Variants in ANKRD12 observed in about 807,000 individuals in gnomAD.
ANKRD12 encodes the protein ankyrin repeat domain-containing protein 12.
ANKRD12 carries 85 observed loss-of-function variants against 183.4 expected under a neutral mutation model. The ratio of observed to expected loss-of-function variants is 0.46; its 90% confidence interval spans 0.39 to 0.56. The LOEUF (loss-of-function observed/expected upper bound fraction) is 0.56, where lower values mean the gene tolerates loss of function less well. Ranked by LOEUF, ANKRD12 falls within the 20% of genes least tolerant of loss-of-function variation. The probability of loss-of-function intolerance (pLI) is 0.00; values close to 1 mark genes in which losing one functional copy is unlikely to be tolerated. For synonymous variants in ANKRD12, 914 were observed against 800.2 expected, an observed-to-expected ratio of 1.14 and a Z score of -2.40; for missense variants, 2,405 against 2,357.1, an observed-to-expected ratio of 1.02 and a Z score of -0.42.
intron 1 of ANKRD12, among the ~76,000 whole-genome samples, chr18:9,148,791 T>C (rs1192754614): frequency 6.6e-6 from 1 of 152,208 alleles, no homozygotes; most frequent in Non-Finnish European, 1.5e-5. Flanking sequence ...CAAGGGCACC[T>C]TTCTGAACAC....
At chr18:9,147,962 T>C (rs1377373326) in intron 1 of ANKRD12, among the ~76,000 whole-genome samples, 2 of 152,228 alleles carry the variant, frequency 1.3e-5, no homozygotes, top group South Asian at 2.1e-4. Context: ...TTATGAATTT[T>C]TCTAGTTTTC....
At position 9,283,908 on chromosome 18, in the gene ANKRD12, T is replaced by G. The variant is rs2040172802; in HGVS notation, c.*2782T>G. The G allele has an allele frequency of 6.6e-6, 1 of 152,274 alleles. No homozygotes were observed. Among genetic ancestry groups the G allele is most frequent in the Admixed American group, 6.5e-5 (1 of 15,274 alleles). 9.4% of individuals were successfully genotyped at this position (152,274 alleles called of 1,614,324 possible). A position where few individuals can be genotyped will look rare whatever the true frequency, so the allele number is the denominator to read the frequency against. ...CAAATCTATTTAATAATGAGAAGTC[T>G]CACAAGTGAATTTTTAAGTACAGGC... On this transcript the variant is annotated 3_prime_UTR_variant, in exon 13 of 13. Coordinates refer to ENST00000262126, the MANE Select transcript of ANKRD12 (RefSeq NM_015208.5).
chr18:9,285,922 G>C lies in ANKRD12; in HGVS notation c.*4796G>C, dbSNP rs1290388185. 3 of 152,184 alleles carry C rather than the reference G, an allele frequency of 2.0e-5. No homozygotes were observed. In the Middle Eastern group the frequency reaches 0.01, roughly 518 times the overall value. The allele number at this position is 152,184 out of a possible 1,614,324, so 9.4% of individuals were successfully genotyped here. ...TACAAATTTGTTTATTCGTTCTCTT[G>C]TTGGTATTTGGATTGTTTCCAGTTT... On this transcript the variant is annotated 3_prime_UTR_variant, in exon 13 of 13. Transcript: ENST00000262126.
Position 9,208,747 on chromosome 18 carries a change from C to CT in ANKRD12, c.396dup (p.Glu133Ter), listed in dbSNP as rs761842575. 1.2e-6 allele frequency: 2 copies of CT among 1,610,652 alleles called. No homozygotes were observed. Among genetic ancestry groups the CT allele is most frequent in the Non-Finnish European group, 1.7e-6 (2 of 1,178,250 alleles). On this transcript the variant is annotated frameshift_variant, in exon 5 of 13. Transcript: ENST00000262126. LOFTEE classifies it high-confidence loss of function. ...AGCATTCTTTTTGGTTATCCACTCT[C>CT]TGAGCGAAAACAGATGGCACTTCTT...
chr18:9,241,461 T>A (rs1276864193), intron 8 of ANKRD12, among the ~76,000 whole-genome samples: 1 of 152,208 alleles, frequency 6.6e-6, no homozygotes, highest in Non-Finnish European at 1.5e-5. Context: ...AAGAACCTTG[T>A]TTTATTTAAG....
chr18:9,170,703 C>G (rs1389275555), intron 1 of ANKRD12, among the ~76,000 whole-genome samples: 1 of 152,088 alleles, frequency 6.6e-6, no homozygotes, highest in Non-Finnish European at 1.5e-5. Context: ...CTTCTCTCAA[C>G]TTTTCAAAGT....
At chr18:9,204,676 G>T (rs561072075) in intron 4 of ANKRD12, 132 bp downstream of exon 4, 19 of 655,162 alleles carry the variant, frequency 2.9e-5, no homozygotes, top group Admixed American at 1.5e-4. Flanking sequence ...AACTACGTGG[G>T]TGACACCACA....
At chr18:9,238,542 C>T (rs961820992) in intron 8 of ANKRD12, among the ~76,000 whole-genome samples, 3 of 152,112 alleles carry the variant, frequency 2.0e-5, no homozygotes, top group Admixed American at 6.6e-5. Flanking sequence ...GTCATACACT[C>T]GAGAGTCATC....
At chr18:9,201,734 A>G (rs1402419233) in intron 3 of ANKRD12, among the ~76,000 whole-genome samples, 1 of 152,154 alleles carries the variant, frequency 6.6e-6, no homozygotes, top group Non-Finnish European at 1.5e-5. Context: ...TGTTTAAATA[A>G]TCAGAAAGAT....
At chr18:9,177,253 C>T (rs752840589) in intron 1 of ANKRD12, among the ~76,000 whole-genome samples, 8 of 152,090 alleles carry the variant, frequency 5.3e-5, no homozygotes, top group Non-Finnish European at 1.0e-4. Flanking sequence ...TCTTCTTAGC[C>T]GTATGAAGAT....
At chr18:9,160,990 G>C (rs904185785) in intron 1 of ANKRD12, among the ~76,000 whole-genome samples, 1 of 152,004 alleles carries the variant, frequency 6.6e-6, no homozygotes, top group Non-Finnish European at 1.5e-5. Context: ...TGTTCTCCTT[G>C]GTTTCCCCTA....
rs1258588584 is a variant in ANKRD12, at chr18:9,258,712, C to G, written c.5445C>G (p.Ala1815=). 6.2e-7 allele frequency: 1 copy of G among 1,613,704 alleles called. No individual in the cohort carries two copies. The highest frequency in any genetic ancestry group is 1.3e-5 in the African/African-American group (1 of 74,894). Residue 1815 remains alanine, a synonymous_variant, in exon 9 of 13, where the codon GCC becomes GCG. Transcript: ENST00000262126. The stretch of plus-strand genomic sequence containing the variant: ...AGAAAACTCAGCAATCTCTGGCAGC[C>G]ATTGTAGATTCTCTAAAACTAGATG... ...AKEKTQQSLA[A]IVDSLKLDEI...
chr18:9,251,592 G>A (rs1393353202), intron 8 of ANKRD12, among the ~76,000 whole-genome samples: 1 of 152,050 alleles, frequency 6.6e-6, no homozygotes, highest in African/African-American at 2.4e-5. Context: ...TCGGGAGTTC[G>A]AGACCAGTCT....
intron 1 of ANKRD12, among the ~76,000 whole-genome samples, chr18:9,178,320 A>ATT (rs2033436759): frequency 1.2e-5 from 1 of 82,520 alleles, no homozygotes; most frequent in Non-Finnish European, 2.6e-5. Context: ...AAGGATCAAG[A>ATT]TTCTCTCTCT....
chr18:9,143,313 T>A lies in ANKRD12; in HGVS notation c.-52+6348T>A, dbSNP rs902938950. On this transcript the variant is annotated intron_variant, in intron 1 of 12. Transcript: ENST00000262126. ...TATAAAAATGTTAAGTCTGTTACTT[T>A]GAGAAATTTTTTCTTGATTAAGATC... Among the ~76,000 whole-genome samples the A allele has an allele frequency of 1.3e-4, 20 of 152,350 alleles. No individual in the cohort carries two copies. The East Asian group carries it at 3.9e-3, about 29-fold the overall frequency.
chr18:9,243,118 C>T (rs2037755733), intron 8 of ANKRD12, among the ~76,000 whole-genome samples: 2 of 152,256 alleles, frequency 1.3e-5, no homozygotes, highest in African/African-American at 4.8e-5. Flanking sequence ...AGTGCAGGTG[C>T]ATTTTTCTGT....
chr18:9,162,657 A>C (rs1222616145), intron 1 of ANKRD12, among the ~76,000 whole-genome samples: 1 of 152,124 alleles, frequency 6.6e-6, no homozygotes, highest in Non-Finnish European at 1.5e-5. Flanking sequence ...ACTAATTCCT[A>C]ACACTCCCAC....
intron 2 of ANKRD12, among the ~76,000 whole-genome samples, chr18:9,184,983 G>T (rs1247102890): frequency 6.6e-6 from 1 of 152,200 alleles, no homozygotes; most frequent in Non-Finnish European, 1.5e-5. Context: ...AAAAAGGAGA[G>T]AATGCTACTT....
intron 1 of ANKRD12, among the ~76,000 whole-genome samples, chr18:9,150,418 A>T (rs1568222391): frequency 2.0e-5 from 3 of 151,870 alleles, no homozygotes; most frequent in Non-Finnish European, 4.4e-5. Context: ...TTTTAAAAGA[A>T]TTTTTTTTGC....
Sources: allele counts gnomAD v4.1 joint callset (sites outside exome capture counted in the v4.1 genomes callset), GRCh38; gene constraint gnomAD v4.1.1; transcripts MANE v1.5; gene names NCBI Gene and HGNC (gene_info 2026-07-23, HGNC 2026-07-21).